Variants in PCLO observed in about 807,000 individuals in gnomAD.
PCLO encodes the protein protein piccolo.
In PCLO, 82 loss-of-function variants were observed where a neutral mutation model predicts 427.5. The observed-to-expected ratio is 0.19, with a 90% CI of 0.16 to 0.23. PCLO has a LOEUF of 0.23. Among genes scored for constraint, PCLO ranks in the 10% least tolerant of loss-of-function variants. The probability of loss-of-function intolerance (pLI) is 1.00; values close to 1 mark genes in which losing one functional copy is unlikely to be tolerated. For synonymous variants in PCLO, 2,357 were observed against 2,155.4 expected (o/e 1.09, Z -2.59); for missense variants, 6,239 against 6,115.9 (o/e 1.02, Z -0.67).
chr7:83,159,651 A>G (rs1792384374), intron 1 of PCLO, among the ~76,000 whole-genome samples: 1 of 152,100 alleles, frequency 6.6e-6, no homozygotes, highest in Non-Finnish European at 1.5e-5. Flanking sequence ...AGGAAAACAT[A>G]TATGCAAAAT....
At chr7:83,107,683 A>G (rs1185736353) in intron 3 of PCLO, among the ~76,000 whole-genome samples, 1 of 150,932 alleles carries the variant, frequency 6.6e-6, no homozygotes, top group East Asian at 1.9e-4. Flanking sequence ...ATTAGTGTGC[A>G]CATATATAGA....
chr7:82,954,201 G>C lies in PCLO; in HGVS notation c.6752C>G (p.Ala2251Gly), dbSNP rs371916901. The change falls in exon 5 of 25, where the codon GCC (alanine) becomes GGC (glycine). Residue 2251 changes from alanine to glycine, a missense_variant. Ala to Gly is a moderately conservative substitution (Grantham distance 60, BLOSUM62 0). Coordinates refer to ENST00000333891, the MANE Select transcript of PCLO (RefSeq NM_033026.6). ...AGCACTAGCTCTACCATCTGGTGGG[G>C]CAGTCCGATCTAAAGATACACTTAT... ...EEISVSLDRT[A>G]PPDGRASADH... 1.2e-6 allele frequency: 2 copies of C among 1,613,258 alleles called. No homozygotes were observed. The highest frequency in any genetic ancestry group is 3.3e-5 in the Admixed American group (2 of 59,994).
At chr7:82,798,314 T>C (rs566825012) in intron 22 of PCLO, among the ~76,000 whole-genome samples, 4 of 152,224 alleles carry the variant, frequency 2.6e-5, no homozygotes, top group African/African-American at 7.2e-5. Context: ...TGGTGAAGGA[T>C]TGAATGGAGG....
intron 17 of PCLO, among the ~76,000 whole-genome samples, chr7:82,827,583 T>C (rs1791976184): frequency 6.6e-6 from 1 of 152,126 alleles, no homozygotes; most frequent in Admixed American, 6.5e-5. Context: ...AAATGTGGCT[T>C]AGTCTATTAA....
intron 9 of PCLO, among the ~76,000 whole-genome samples, chr7:82,891,436 C>A (rs1004830447): frequency 1.3e-5 from 2 of 152,092 alleles, no homozygotes; most frequent in African/African-American, 4.8e-5. Context: ...AGATTTTGGG[C>A]TGAGATGATG....
chr7:82,803,582 A>G (rs7782629), intron 21 of PCLO, among the ~76,000 whole-genome samples: 121,714 of 152,054 alleles, frequency 0.8, 49,032 homozygotes, highest in East Asian at 0.93. Flanking sequence ...AGCTAAATTA[A>G]GTGCAAAGGA....
intron 20 of PCLO, chr7:82,821,435 G>A (rs2115636498): frequency 1.0e-6 from 1 of 985,572 alleles, no homozygotes; most frequent in Non-Finnish European, 1.2e-6. Flanking sequence ...GACACCACAT[G>A]CACAGCACTA....
intron 20 of PCLO, among the ~76,000 whole-genome samples, chr7:82,817,873 A>G (rs1479078213): frequency 6.6e-6 from 1 of 152,148 alleles, no homozygotes; most frequent in Non-Finnish European, 1.5e-5. Flanking sequence ...CTATTTCTAA[A>G]TTTAAAACTC....
At chr7:83,059,380 A>ATATATATATATATATATATATATATAT (rs33911766) in intron 3 of PCLO, among the ~76,000 whole-genome samples, 1 of 83,494 alleles carries the variant, frequency 1.2e-5, no homozygotes, top group Non-Finnish European at 2.1e-5. Context: ...ATATATATAT[A>ATATATATATATATATATATATATATAT]AAAATGAAAA....
chr7:82,938,634 A>C (rs999431553), intron 6 of PCLO, among the ~76,000 whole-genome samples: 1 of 152,002 alleles, frequency 6.6e-6, no homozygotes, highest in African/African-American at 2.4e-5. Context: ...ATTTACTTAA[A>C]GACTATTACT....
chr7:83,008,194 A>C (rs2115970727), intron 3 of PCLO, among the ~76,000 whole-genome samples: 1 of 151,784 alleles, frequency 6.6e-6, no homozygotes, highest in Non-Finnish European at 1.5e-5. Flanking sequence ...AAAAATAAAG[A>C]TTGTATATTA....
At chr7:83,136,584 C>T (rs911236158) in intron 2 of PCLO, among the ~76,000 whole-genome samples, 5 of 152,092 alleles carry the variant, frequency 3.3e-5, no homozygotes, top group African/African-American at 1.2e-4. Flanking sequence ...AGGATATTCT[C>T]TGTTAACAAA....
intron 4 of PCLO, among the ~76,000 whole-genome samples, chr7:82,964,195 G>C (rs1265277841): frequency 6.6e-6 from 1 of 152,120 alleles, no homozygotes; most frequent in East Asian, 1.9e-4. Flanking sequence ...GGAGTTAATA[G>C]ACAGAAGTGT....
chr7:83,110,685 C>A (rs1243118539), intron 3 of PCLO, among the ~76,000 whole-genome samples: 1 of 152,096 alleles, frequency 6.6e-6, no homozygotes, highest in East Asian at 1.9e-4. Flanking sequence ...CCTATGAACA[C>A]CAAAATTCCA....
At position 83,155,961 on chromosome 7, in the gene PCLO, C is replaced by A. The variant is rs1162408607; in HGVS notation, c.680G>T (p.Arg227Met). 1 of 1,613,676 alleles carries A rather than the reference C, an allele frequency of 6.2e-7. No individual in the cohort carries two copies. The highest frequency in any genetic ancestry group is 1.1e-5 in the South Asian group (1 of 91,058). Residue 227 changes from arginine (R) to methionine (M), a missense_variant, in exon 2 of 25, where the codon AGG becomes ATG. Physicochemically the swap from Arg to Met is moderately conservative, Grantham distance 91 (BLOSUM62 -1). Around this residue, in one of 5 missense-constraint regions of PCLO, gnomAD observed 4,677 missense variants for 4,468.4 expected, o/e 1.05. Transcript: ENST00000333891. The stretch of plus-strand genomic sequence containing the variant: ...AGTGCCATCCTGCTGAAGCGGATCC[C>A]TACCAGGTCCTTGCTGCTTAGGAAT... ...KPIPKQQGPG[R>M]DPLQQDGTPK...
At chr7:82,873,142 T>A (rs772995869) in intron 10 of PCLO, among the ~76,000 whole-genome samples, 2 of 151,820 alleles carry the variant, frequency 1.3e-5, no homozygotes, top group African/African-American at 2.4e-5. Context: ...TGAAACAGTA[T>A]GATAGGTACA....
At chr7:82,771,089 A>G (rs1790637997) in intron 22 of PCLO, among the ~76,000 whole-genome samples, 1 of 151,886 alleles carries the variant, frequency 6.6e-6, no homozygotes, top group Non-Finnish European at 1.5e-5. Flanking sequence ...TTTATTCTAT[A>G]GTAGGTTAGA....
intron 20 of PCLO, among the ~76,000 whole-genome samples, chr7:82,813,563 T>A (rs1376976388): frequency 6.6e-6 from 1 of 151,766 alleles, no homozygotes; most frequent in Non-Finnish European, 1.5e-5. Context: ...TTTCTGACTC[T>A]TCATAATTTT....
intron 8 of PCLO, among the ~76,000 whole-genome samples, chr7:82,905,571 C>T (rs1400496805): frequency 6.6e-6 from 1 of 152,010 alleles, no homozygotes; most frequent in Non-Finnish European, 1.5e-5. Context: ...AAAGGAAAAA[C>T]ACTTACCCCA....
Sources: allele counts gnomAD v4.1 joint callset (sites outside exome capture counted in the v4.1 genomes callset), GRCh38; gene constraint gnomAD v4.1.1; regional missense constraint gnomAD v4.1.1; transcripts MANE v1.5; gene names NCBI Gene and HGNC (gene_info 2026-07-23, HGNC 2026-07-21).